COL25A1: variants seen among roughly 807,000 people sequenced by gnomAD.
The protein encoded by COL25A1 is collagen alpha-1(XXV) chain.
In COL25A1, 103 loss-of-function variants were observed where a neutral mutation model predicts 128.4. That is an observed-to-expected ratio of 0.80 (90% CI 0.68 to 0.94). COL25A1 has a LOEUF of 0.94. Among genes scored for constraint, COL25A1 ranks in the 40% least tolerant of loss-of-function variants. The pLI is 0.00. For synonymous variants in COL25A1, 279 were observed against 277.2 expected (o/e 1.01, Z -0.06); for missense variants, 745 against 840.0 (o/e 0.89, Z 1.40).
intron 8 of COL25A1, among the ~76,000 whole-genome samples, chr4:108,954,789 A>C (rs1308510261): frequency 6.6e-6 from 1 of 152,074 alleles, no homozygotes; most frequent in Non-Finnish European, 1.5e-5. Context: ...ATATATATGC[A>C]TTATTTGCTG....
chr4:108,876,733 C>A (rs1464219903), intron 19 of COL25A1, among the ~76,000 whole-genome samples: 1 of 152,144 alleles, frequency 6.6e-6, no homozygotes. Context: ...GATATCTCAG[C>A]CCTGTTGGTG....
chr4:109,114,486 A>C (rs1413052661), intron 3 of COL25A1, among the ~76,000 whole-genome samples: 1 of 152,046 alleles, frequency 6.6e-6, no homozygotes, highest in Admixed American at 6.6e-5. Flanking sequence ...AAACATCAGG[A>C]GTCATCCAGG....
intron 35 of COL25A1, chr4:108,819,836 A>C (rs1731608791): frequency 8.1e-7 from 1 of 1,231,838 alleles, no homozygotes; most frequent in South Asian, 4.1e-5. Flanking sequence ...CATCTAATCC[A>C]GGAGCACCCT....
intron 3 of COL25A1, among the ~76,000 whole-genome samples, chr4:109,248,556 C>G (rs1488203708): frequency 6.6e-6 from 1 of 151,064 alleles, no homozygotes; most frequent in East Asian, 1.9e-4. Context: ...AAAGAATCAG[C>G]ATCTTCCTAT....
chr4:109,234,593 C>T (rs969467259), intron 3 of COL25A1, among the ~76,000 whole-genome samples: 1 of 152,028 alleles, frequency 6.6e-6, no homozygotes, highest in Non-Finnish European at 1.5e-5. Flanking sequence ...AACAAAAAAA[C>T]TTGCCTCAGT....
intron 3 of COL25A1, among the ~76,000 whole-genome samples, chr4:109,102,327 GC>G (rs1765970988): frequency 6.6e-6 from 1 of 151,626 alleles, no homozygotes; most frequent in Non-Finnish European, 1.5e-5. Context: ...ATATCTTTTT[GC>G]TATTGATTTC....
In COL25A1 at chr4:109,300,443, G is replaced by A. The variant is rs78354617; in HGVS notation, c.367+140C>T. The A allele has an allele frequency of 2.5e-3, 1,498 of 603,996 alleles. 18 individuals carry two copies. The highest frequency in any genetic ancestry group is 0.024 in the African/African-American group (1,307 of 53,994). 37.4% of individuals were successfully genotyped at this position (603,996 alleles called of 1,614,324 possible). On this transcript the variant is annotated intron_variant, in intron 3 of 37. Coordinates refer to ENST00000399132, the MANE Select transcript of COL25A1 (RefSeq NM_198721.4). ...GGCTTTATTTGCCATCCTTTTGAATGAGACATGTTGATTTTATTAAAGCAA... is the reference window on the plus strand; with the variant it reads ...GGCTTTATTTGCCATCCTTTTGAATAAGACATGTTGATTTTATTAAAGCAA...
intron 5 of COL25A1, among the ~76,000 whole-genome samples, chr4:109,042,263 T>C (rs1331009664): frequency 2.0e-5 from 3 of 152,032 alleles, no homozygotes; most frequent in African/African-American, 4.8e-5. Flanking sequence ...AACCACTCAA[T>C]ACAGAAGACA....
At chr4:108,965,210 C>T (rs1040533865) in intron 8 of COL25A1, among the ~76,000 whole-genome samples, 19 of 152,100 alleles carry the variant, frequency 1.2e-4, no homozygotes, top group African/African-American at 1.4e-4. Context: ...AAAATTTACT[C>T]GAATACACTA....
intron 3 of COL25A1, among the ~76,000 whole-genome samples, chr4:109,081,946 C>T (rs558369459): frequency 5.7e-4 from 86 of 152,196 alleles, no homozygotes; most frequent in African/African-American, 1.8e-3. Flanking sequence ...TTAGGTAATC[C>T]GCCCGCCTCA....
At chr4:108,935,621 T>C (rs576884964) in intron 11 of COL25A1, among the ~76,000 whole-genome samples, 1 of 152,124 alleles carries the variant, frequency 6.6e-6, no homozygotes, top group East Asian at 1.9e-4. Flanking sequence ...TCAAGAAAAG[T>C]TTGTAGAAAA....
Position 108,905,989 on chromosome 4 carries a change from C to A in COL25A1, c.781-4817G>T, listed in dbSNP as rs1422620092. ...ACAGCTGGTCTCTGTACTGTCTGTA[C>A]GGTAAGCCAGTGGTTAGAGGCTGAC... On this transcript the variant is annotated intron_variant, in intron 13 of 37. Coordinates refer to ENST00000399132, the MANE Select transcript of COL25A1 (RefSeq NM_198721.4). Among the ~76,000 whole-genome samples the A allele has an allele frequency of 1.3e-5, 2 of 152,066 alleles. 1 individual carries two copies. The highest frequency in any genetic ancestry group is 4.1e-4 in the South Asian group (2 of 4,820).
intron 21 of COL25A1, 86 bp downstream of exon 21, chr4:108,863,233 C>T (rs1365580713): frequency 7.9e-7 from 1 of 1,271,100 alleles, no homozygotes. Context: ...TGTTTTAATA[C>T]CTGTTAAGAA....
At chr4:109,235,793 G>T (rs1779436428) in intron 3 of COL25A1, among the ~76,000 whole-genome samples, 1 of 152,038 alleles carries the variant, frequency 6.6e-6, no homozygotes, top group Non-Finnish European at 1.5e-5. Context: ...GTAATGTCTT[G>T]TGTGACACAG....
chr4:109,120,019 C>T (rs576460679), intron 3 of COL25A1, among the ~76,000 whole-genome samples: 1 of 151,972 alleles, frequency 6.6e-6, no homozygotes, highest in South Asian at 2.1e-4. Context: ...CAGCACAAGG[C>T]TAAAAAAGAA....
At chr4:109,079,368 C>G (rs927699486) in intron 3 of COL25A1, among the ~76,000 whole-genome samples, 2 of 152,156 alleles carry the variant, frequency 1.3e-5, no homozygotes, top group Non-Finnish European at 2.9e-5. Context: ...TTAGTATTAA[C>G]TGAAAATTTT....
intron 16 of COL25A1, among the ~76,000 whole-genome samples, chr4:108,892,581 T>C (rs1378385723): frequency 6.6e-6 from 1 of 152,242 alleles, no homozygotes; most frequent in East Asian, 1.9e-4. Context: ...ATTACAATGA[T>C]CATTTTCTAA....
At position 109,199,363 on chromosome 4, in the gene COL25A1, T is replaced by C. The variant is rs75822947; in HGVS notation, c.367+101220A>G. On this transcript the variant is annotated intron_variant, in intron 3 of 37. Transcript: ENST00000399132. Reference sequence around the variant, plus strand: ...ATTTTGCCATGTTGCACGAGTTGGTTTCGTACTCTGGGCTCAAGGGATCTG... The same window carrying C: ...ATTTTGCCATGTTGCACGAGTTGGTCTCGTACTCTGGGCTCAAGGGATCTG... 8.5e-3 allele frequency among the ~76,000 whole-genome samples: 1,290 copies of C among 152,182 alleles called. 58 individuals carry two copies. In the South Asian group the frequency reaches 0.14, roughly 16 times the overall value.
At chr4:109,276,121 T>C (rs990709140) in intron 3 of COL25A1, among the ~76,000 whole-genome samples, 8 of 152,184 alleles carry the variant, frequency 5.3e-5, no homozygotes, top group African/African-American at 1.7e-4. Context: ...AAGATTGTCT[T>C]ATTTCTTGGC....
Sources: allele counts gnomAD v4.1 joint callset (sites outside exome capture counted in the v4.1 genomes callset), GRCh38; gene constraint gnomAD v4.1.1; transcripts MANE v1.5; gene names NCBI Gene and HGNC (gene_info 2026-07-23, HGNC 2026-07-21).